Variants in AFDN observed in about 807,000 individuals in gnomAD.
AFDN encodes afadin.
AFDN carries 68 observed loss-of-function variants against 216.6 expected under a neutral mutation model. That is an observed-to-expected ratio of 0.31 (90% CI 0.26 to 0.38). AFDN has a LOEUF of 0.38. Among genes scored for constraint, AFDN ranks in the 10% least tolerant of loss-of-function variants. The pLI is 1.00. For missense variants in AFDN, 2,136 were observed against 2,342.0 expected (o/e 0.91, Z 1.82); for synonymous variants, 868 against 853.7 (o/e 1.02, Z -0.29).
Position 167,962,807 on chromosome 6 carries a change from A to G in AFDN, c.4968+240A>G. ...AGTTTTGTCTCCTTCAAACTTCTGA[A>G]CTCTTGGGCGTGTGTAGCAGTGAGC... On this transcript the variant is annotated intron_variant, in intron 31 of 33. Transcript: ENST00000683244. The surrounding 1 kb of genome is among the most constrained non-coding windows in gnomAD (Gnocchi z 5.2). The G allele has an allele frequency of 2.2e-6, 3 of 1,357,606 alleles. No homozygotes were observed. Among genetic ancestry groups the G allele is most frequent in the Non-Finnish European group, 2.8e-6 (3 of 1,053,710 alleles). The allele number at this position is 1,357,606 out of a possible 1,614,324, so 84.1% of individuals were successfully genotyped here.
rs1218068177 is a variant in AFDN at position 167,943,237 on chromosome 6, T to C, written c.3165+43T>C. The C allele has an allele frequency of 6.4e-6, 10 of 1,558,696 alleles. 2 individuals carry two copies. In the Middle Eastern group the frequency reaches 1.2e-3, roughly 183 times the overall value. On this transcript the variant is annotated intron_variant, in intron 24 of 33. Coordinates refer to ENST00000683244, the MANE Select transcript of AFDN (RefSeq NM_001386888.1). ...AGAAGTACATTTTCAGTGTGTCATATATTCAGCAAATGATGTGAGAGATTC... is the reference window on the plus strand; with the variant it reads ...AGAAGTACATTTTCAGTGTGTCATACATTCAGCAAATGATGTGAGAGATTC...
intron 6 of AFDN, among the ~76,000 whole-genome samples, chr6:167,887,332 T>G (rs1786972520): frequency 6.6e-6 from 1 of 152,188 alleles, no homozygotes; most frequent in South Asian, 2.1e-4. Flanking sequence ...TCTTCTAGTT[T>G]TGGTTTTCTG....
chr6:167,844,417 A>G (rs1377407501), intron 1 of AFDN, among the ~76,000 whole-genome samples: 1 of 152,124 alleles, frequency 6.6e-6, no homozygotes, highest in East Asian at 1.9e-4. Context: ...ATTCTCCCAT[A>G]TTTCTATAAA....
At chr6:167,838,603 A>G (rs528961597) in intron 1 of AFDN, among the ~76,000 whole-genome samples, 1 of 152,140 alleles carries the variant, frequency 6.6e-6, no homozygotes, top group East Asian at 1.9e-4. Flanking sequence ...TTTATTACCA[A>G]CAGTTCCTCA....
chr6:167,939,315 T>C (rs1794402563), intron 23 of AFDN, among the ~76,000 whole-genome samples: 1 of 152,234 alleles, frequency 6.6e-6, no homozygotes, highest in South Asian at 2.1e-4. Context: ...GTGCCCATTC[T>C]CACTGACAGT....
intron 6 of AFDN, 78 bp downstream of exon 6, chr6:167,880,595 T>A: frequency 7.2e-7 from 1 of 1,389,512 alleles, no homozygotes; most frequent in Non-Finnish European, 1.0e-6. Context: ...AAATTAAACC[T>A]AGATTTTCAG....
At chr6:167,934,373 T>C (rs1793718347) in intron 23 of AFDN, among the ~76,000 whole-genome samples, 1 of 152,206 alleles carries the variant, frequency 6.6e-6, no homozygotes, top group Non-Finnish European at 1.5e-5. Flanking sequence ...GTAGAATTCA[T>C]ATACAAAGTG....
At chr6:167,834,892 C>T (rs1018740896) in intron 1 of AFDN, among the ~76,000 whole-genome samples, 4 of 151,926 alleles carry the variant, frequency 2.6e-5, no homozygotes, top group Admixed American at 6.6e-5. Context: ...TGAGGCAGGA[C>T]GATTGCTTGA....
At chr6:167,858,420 TA>T (rs925591087) in intron 1 of AFDN, among the ~76,000 whole-genome samples, 7 of 152,204 alleles carry the variant, frequency 4.6e-5, no homozygotes, top group Non-Finnish European at 8.8e-5. Flanking sequence ...TTAGAGTTCA[TA>T]AAAAGGGAGA....
At chr6:167,907,020 G>A (rs183784532) in intron 12 of AFDN, 151 bp from the exon 13 acceptor site, 2 of 591,330 alleles carry the variant, frequency 3.4e-6, no homozygotes, top group Admixed American at 5.3e-5. Flanking sequence ...CGTGGACATA[G>A]TGTCCCCAGC....
At chr6:167,948,203 A>G (rs1795552645) in intron 28 of AFDN, 90 bp from the exon 29 acceptor site, 8 of 1,142,284 alleles carry the variant, frequency 7.0e-6, no homozygotes, top group East Asian at 2.6e-5. Context: ...AACATATACT[A>G]TTTTTTAAAT....
intron 1 of AFDN, among the ~76,000 whole-genome samples, chr6:167,833,588 T>A (rs1308873016): frequency 1.3e-5 from 2 of 152,242 alleles, no homozygotes; most frequent in African/African-American, 4.8e-5. Context: ...ATAGTGGTAC[T>A]TTCCATTGTG....
At position 167,882,308 on chromosome 6, in the gene AFDN, AAAG is replaced by A. The variant is rs370477955; in HGVS notation, c.897+1795_897+1797del. On this transcript the variant is annotated intron_variant, in intron 6 of 33. Coordinates refer to ENST00000683244, the MANE Select transcript of AFDN (RefSeq NM_001386888.1). ...CTACCTAAATACAGATCAAACAGAA[AAAG>A]AAGTAAAACAGACAAGATATTTAGA... Among the ~76,000 whole-genome samples the A allele has an allele frequency of 2.7e-3, 410 of 152,254 alleles. 4 individuals carry two copies. Among genetic ancestry groups the A allele is most frequent in the African/African-American group, 9.1e-3 (378 of 41,564 alleles).
rs538106465 is a variant in AFDN, at chr6:167,897,342, A to G, written c.1317+370A>G. On this transcript the variant is annotated intron_variant, in intron 10 of 33. Transcript: ENST00000683244. ...AGCATTAGGCATTCGGTAAATTCTAATTAAATTTAGCTTAATATGGTTCTC... is the reference window on the plus strand; with the variant it reads ...AGCATTAGGCATTCGGTAAATTCTAGTTAAATTTAGCTTAATATGGTTCTC... Among the ~76,000 whole-genome samples, 4 of 152,326 alleles carry G rather than the reference A, an allele frequency of 2.6e-5. No individual in the cohort carries two copies. The South Asian group carries it at 8.3e-4, about 32-fold the overall frequency.
rs1024683865 is a variant in AFDN at position 167,933,345 on chromosome 6, C to A, written c.3099+8254C>A. Among the ~76,000 whole-genome samples the A allele has an allele frequency of 2.0e-5, 3 of 152,180 alleles. No homozygotes were observed. The South Asian group carries it at 6.2e-4, about 32-fold the overall frequency. On this transcript the variant is annotated intron_variant, in intron 23 of 33. Transcript: ENST00000683244. Reference sequence around the variant, plus strand: ...TAGCTTAAAACATAAGATTCCTATGCCCTAAAAATGAGATGGTAAAGACTG... The same window carrying A: ...TAGCTTAAAACATAAGATTCCTATGACCTAAAAATGAGATGGTAAAGACTG...
intron 1 of AFDN, among the ~76,000 whole-genome samples, chr6:167,862,419 A>G (rs1270793264): frequency 6.6e-6 from 1 of 151,818 alleles, no homozygotes; most frequent in Non-Finnish European, 1.5e-5. Flanking sequence ...TCTGTCGCCC[A>G]GGCTGGAGTG....
chr6:167,830,236 A>G (rs1779676162), intron 1 of AFDN, among the ~76,000 whole-genome samples: 1 of 152,238 alleles, frequency 6.6e-6, no homozygotes, highest in Non-Finnish European at 1.5e-5. Context: ...CCTCCTTAGA[A>G]GAGGGCTTCT....
Position 167,970,186 on chromosome 6 carries a change from G to GT in AFDN, c.*257dup. ...AATTATCTAACTCACACGAGGGTAA[G>GT]TTTTTTGTTGGTTTCTTTTTTGGAG... is the stretch of plus-strand genomic sequence containing the variant. On this transcript the variant is annotated 3_prime_UTR_variant, in exon 34 of 34. Coordinates refer to ENST00000683244, the MANE Select transcript of AFDN (RefSeq NM_001386888.1). 4.9e-6 allele frequency: 2 copies of GT among 404,822 alleles called. No homozygotes were observed. Among genetic ancestry groups the GT allele is most frequent in the South Asian group, 3.6e-5 (1 of 27,918 alleles). The allele number at this position is 404,822 out of a possible 1,614,324, so 25.1% of individuals were successfully genotyped here.
chr6:167,889,939 C>T (rs936361831), intron 7 of AFDN, among the ~76,000 whole-genome samples: 1 of 152,188 alleles, frequency 6.6e-6, no homozygotes, highest in African/African-American at 2.4e-5. Context: ...TTCTGTAACC[C>T]TATAGATTGT....
Sources: allele counts gnomAD v4.1 joint callset (sites outside exome capture counted in the v4.1 genomes callset), GRCh38; gene constraint gnomAD v4.1.1; non-coding constraint Gnocchi (gnomAD v3.1); transcripts MANE v1.5; gene names NCBI Gene and HGNC (gene_info 2026-07-23, HGNC 2026-07-21).